CARMIL2: variants seen among roughly 807,000 people sequenced by gnomAD.
The protein encoded by CARMIL2 is capping protein, Arp2/3 and myosin-I linker protein 2.
Under a neutral mutation model 173.3 loss-of-function variants are expected in CARMIL2, and 96 were observed. The ratio of observed to expected loss-of-function variants is 0.55; its 90% confidence interval spans 0.47 to 0.66. The LOEUF is 0.66. Ranked by LOEUF, CARMIL2 falls within the 30% of genes least tolerant of loss-of-function variation. CARMIL2 has a pLI of 0.00. For missense variants in CARMIL2, 1,771 were observed against 1,906.7 expected, an observed-to-expected ratio of 0.93 and a Z score of 1.33; for synonymous variants, 830 against 817.1, an observed-to-expected ratio of 1.02 and a Z score of -0.27.
In CARMIL2 at chr16:67,651,059, T is replaced by C; in HGVS notation, c.2185-128T>C. On this transcript the variant is annotated intron_variant, in intron 22 of 37. Coordinates refer to ENST00000334583, the MANE Select transcript of CARMIL2 (RefSeq NM_001013838.3). This position sits in a 1 kb window ranked among gnomAD's most constrained non-coding sequence, Gnocchi z 4.2. ...CCTTCCCTCCTTGAACAGATAGGGT[T>C]CCAAAGTGGCTGGTCTAAGGGTGTC... 9.4e-7 allele frequency: 1 copy of C among 1,062,948 alleles called. No individual in the cohort carries two copies. The highest frequency in any genetic ancestry group is 1.3e-6 in the Non-Finnish European group (1 of 743,976). 65.8% of individuals were successfully genotyped at this position (1,062,948 alleles called of 1,614,324 possible).
chr16:67,657,000 AATC>A, intron 36 of CARMIL2, 119 bp downstream of exon 36: 4 of 873,186 alleles, frequency 4.6e-6, no homozygotes, highest in Non-Finnish European at 7.0e-6. Flanking sequence ...GGTCTCAAGA[AATC>A]AGGGAGCCAG....
rs1298540442 is a variant in CARMIL2 at position 67,645,216 on chromosome 16, G to A, written c.-31G>A. The A allele has an allele frequency of 3.2e-6, 5 of 1,555,426 alleles. No individual in the cohort carries two copies. The highest frequency in any genetic ancestry group is 3.8e-5 in the Admixed American group (2 of 53,026). ...TCGTCCTCTGCTGTTTCCCGCCGGA[G>A]CTCGTTGGGCCTCCCCGGCCCGCCC... On this transcript the variant is annotated 5_prime_UTR_variant, in exon 1 of 38. Transcript: ENST00000334583.
chr16:67,647,142 T>C lies in CARMIL2; in HGVS notation c.638T>C (p.Leu213Pro). The change falls in exon 9 of 38, where the codon CTG becomes CCG. Residue 213 changes from leucine to proline, a missense_variant. Physicochemically the swap from Leu to Pro is moderately conservative, Grantham distance 98. Around this residue, in one of 3 missense-constraint regions of CARMIL2, gnomAD observed 944 missense variants for 975.6 expected, o/e 0.97. Coordinates refer to ENST00000334583, the MANE Select transcript of CARMIL2 (RefSeq NM_001013838.3). Reference protein sequence around the residue: ...SRDLALSVAALSYNLWFRCLS... With the variant: ...SRDLALSVAAPSYNLWFRCLS... ...GACCTGGCCTTGAGTGTGGCTGCCC[T>C]GTCCTACAACCTGTGGTTCCGGTGC... is the stretch of plus-strand genomic sequence containing the variant. 6.2e-7 allele frequency: 1 copy of C among 1,613,746 alleles called. No homozygotes were observed. The highest frequency in any genetic ancestry group is 8.5e-7 in the Non-Finnish European group (1 of 1,179,830).
In CARMIL2 at chr16:67,647,761, C is replaced by G. The variant is rs547647271; in HGVS notation, c.953C>G (p.Pro318Arg). 1 of 1,542,672 alleles carries G rather than the reference C, an allele frequency of 6.5e-7. No individual in the cohort carries two copies. Among genetic ancestry groups the G allele is most frequent in the Non-Finnish European group, 8.7e-7 (1 of 1,147,910 alleles). The part of the protein sequence containing the change: ...RLSLAQTGLT[P>R]RGMRALGRAL... ...AGCCTGGCCCAGACAGGGTTGACAC[C>G]GCGAGGTAGGCTGGATGAGGGAGGG... is the stretch of plus-strand genomic sequence containing the variant. The change falls in exon 12 of 38, where the codon CCG (proline) becomes CGG (arginine). Residue 318 changes from proline (P) to arginine (R), a missense_variant. Physicochemically the swap from Pro to Arg is moderately radical, Grantham distance 103. Around this residue, in one of 3 missense-constraint regions of CARMIL2, gnomAD observed 944 missense variants for 975.6 expected, o/e 0.97. Transcript: ENST00000334583.
chr16:67,655,019 T>C, intron 32 of CARMIL2, 119 bp downstream of exon 32: 1 of 1,344,344 alleles, frequency 7.4e-7, no homozygotes, highest in Non-Finnish European at 1.0e-6. Flanking sequence ...TCTACTCCAT[T>C]CTCCTCGAAA....
In CARMIL2 at chr16:67,653,164, A is replaced by G; in HGVS notation, c.3030A>G (p.Pro1010=). The change falls in exon 29 of 38, where the codon CCA becomes CCG. Residue 1010 remains proline (P), a synonymous_variant. Transcript: ENST00000334583. This position sits in a 1 kb window ranked among gnomAD's most constrained non-coding sequence, Gnocchi z 7.4. ...GCCCGCTGCCCCGCATGGACCTGCC[A>G]CTGGCGGGGCAGCCCCTGCGCCATC... ...PAGPLPRMDL[P]LAGQPLRHPT... 6 of 1,109,142 alleles carry G rather than the reference A, an allele frequency of 5.4e-6. No individual in the cohort carries two copies. Among genetic ancestry groups the G allele is most frequent in the Non-Finnish European group, 6.6e-6 (6 of 909,416 alleles). 68.7% of individuals were successfully genotyped at this position (1,109,142 alleles called of 1,614,324 possible). A position where few individuals can be genotyped will look rare whatever the true frequency, so the allele number is the denominator to read the frequency against.
chr16:67,646,933 C>T lies in CARMIL2; in HGVS notation c.571C>T (p.Arg191Cys), dbSNP rs377185156. The change falls in exon 8 of 38, where the codon CGC becomes TGC. Residue 191 changes from arginine to cysteine, a missense_variant. This residue lies in a region of CARMIL2 where 944 missense variants were observed against 975.6 expected (regional missense o/e 0.97). Coordinates refer to ENST00000334583, the MANE Select transcript of CARMIL2 (RefSeq NM_001013838.3). This position sits in a 1 kb window ranked among gnomAD's most constrained non-coding sequence, Gnocchi z 4.6. ...VDTIYHRQGC[R>C]HFSLGDFSHL... Reference sequence around the variant, plus strand: ...CACCATTTACCATCGCCAGGGCTGCCGCCATTTCAGCCTGGGAGACTTCAG... The same window carrying T: ...CACCATTTACCATCGCCAGGGCTGCTGCCATTTCAGCCTGGGAGACTTCAG... 42 of 1,613,610 alleles carry T rather than the reference C, an allele frequency of 2.6e-5. No individual in the cohort carries two copies. The Admixed American group carries it at 2.7e-4, about 10-fold the overall frequency.
In CARMIL2 at chr16:67,646,061, T is replaced by C. The variant is rs778519452; in HGVS notation, c.230T>C (p.Leu77Pro). Residue 77 changes from leucine to proline, a missense_variant, in exon 4 of 38, where the codon CTG becomes CCG. By Grantham distance (98) the Leu-to-Pro change is moderately conservative (BLOSUM62 -3). Coordinates refer to ENST00000334583, the MANE Select transcript of CARMIL2 (RefSeq NM_001013838.3). This position sits in a 1 kb window ranked among gnomAD's most constrained non-coding sequence, Gnocchi z 4.6. Reference sequence around the variant, plus strand: ...TACCTGGAGGTCCAGGCCATGGCGCTGCAGGAGACACCCCCTCAGGTGAGA... The same window carrying C: ...TACCTGGAGGTCCAGGCCATGGCGCCGCAGGAGACACCCCCTCAGGTGAGA... The part of the protein sequence containing the change: ...FSYLEVQAMA[L>P]QETPPQVTFE... 3.7e-6 allele frequency: 6 copies of C among 1,613,764 alleles called. No individual in the cohort carries two copies. Among genetic ancestry groups the C allele is most frequent in the Non-Finnish European group, 5.1e-6 (6 of 1,179,888 alleles).
intron 30 of CARMIL2, 26 bp from the exon 31 acceptor site, chr16:67,654,306 T>A (rs1160956525): frequency 3.2e-6 from 5 of 1,582,236 alleles, no homozygotes; most frequent in Non-Finnish European, 8.6e-7. Context: ...ATGGGCTTTC[T>A]CGCTCACTGC....
rs773403504 is a variant in CARMIL2 at position 67,647,889 on chromosome 16, C to T, written c.1002C>T (p.Phe334=). ...GGGCACTGGCCACCAATGCCGCCTT[C>T]GACTCCACCCTGACCCACCTGGACC... is the stretch of plus-strand genomic sequence containing the variant. The part of the protein sequence containing the change: ...LGRALATNAA[F]DSTLTHLDLS... The change falls in exon 13 of 38, where the codon TTC becomes TTT. Residue 334 remains phenylalanine (F), a synonymous_variant. Transcript: ENST00000334583. 4.0e-5 allele frequency: 65 copies of T among 1,611,278 alleles called. 1 individual carries two copies. Among genetic ancestry groups the T allele is most frequent in the South Asian group, 2.2e-4 (20 of 90,728 alleles).
chr16:67,654,127 C>G, intron 29 of CARMIL2, 22 bp from the exon 30 acceptor site: 1 of 1,497,614 alleles, frequency 6.7e-7, no homozygotes. Context: ...ACCCTGACCC[C>G]TGACCCCATG....
rs2052853409 is a variant in CARMIL2, at chr16:67,656,288, CTG to C, written c.3807_3808del (p.Ser1270CysfsTer2). 1 of 1,614,012 alleles carries C rather than the reference CTG, an allele frequency of 6.2e-7. No individual in the cohort carries two copies. Reference sequence around the variant, plus strand: ...ATCTCGATCAAGTCCCGCACCCACTCTGTGTCTGCTGGTGAGTGAGGGCCACT... The same window carrying C: ...ATCTCGATCAAGTCCCGCACCCACTCTGTCTGCTGGTGAGTGAGGGCCACT... On this transcript the variant is annotated frameshift_variant, in exon 34 of 38. Transcript: ENST00000334583. LOFTEE classifies it high-confidence loss of function.
rs1410895178 is a variant in CARMIL2 at position 67,645,630 on chromosome 16, T to C, written c.131T>C (p.Leu44Pro). ...PGEGAVQNHV[L>P]ALLRWRAYLL... ...GAGGGTGCTGTGCAAAACCATGTCC[T>C]GGTATGGGGCAGGGGACAGAGCCGG... Residue 44 changes from leucine to proline, a missense_variant and splice_region_variant, in exon 2 of 38, where the codon CTG becomes CCG. By Grantham distance (98) the Leu-to-Pro change is moderately conservative. This residue lies in a region of CARMIL2 where 944 missense variants were observed against 975.6 expected (regional missense o/e 0.97). Transcript: ENST00000334583. 6.2e-7 allele frequency: 1 copy of C among 1,613,492 alleles called. No homozygotes were observed. The highest frequency in any genetic ancestry group is 8.5e-7 in the Non-Finnish European group (1 of 1,179,772).
In CARMIL2 at chr16:67,646,124, A is replaced by G. The variant is rs1319354998; in HGVS notation, c.249+44A>G. On this transcript the variant is annotated intron_variant, in intron 4 of 37. Coordinates refer to ENST00000334583, the MANE Select transcript of CARMIL2 (RefSeq NM_001013838.3). The surrounding 1 kb of genome is among the most constrained non-coding windows in gnomAD (Gnocchi z 4.6). ...TACCTGGGCCTGCAGCCTGGTCTTC[A>G]TGCTACCACCATCACCTGCGCCCAT... The G allele has an allele frequency of 6.2e-7, 1 of 1,613,658 alleles. No homozygotes were observed. The highest frequency in any genetic ancestry group is 1.3e-5 in the African/African-American group (1 of 74,906).
In CARMIL2 at chr16:67,653,089, G is replaced by C. The variant is rs2052760621; in HGVS notation, c.2955G>C (p.Gly985=). Residue 985 remains glycine (G), a synonymous_variant, in exon 29 of 38, where the codon GGG becomes GGC. Coordinates refer to ENST00000334583, the MANE Select transcript of CARMIL2 (RefSeq NM_001013838.3). This position sits in a 1 kb window ranked among gnomAD's most constrained non-coding sequence, Gnocchi z 7.4. ...APGEDAEPQA[G]PSARGSPSPA... ...GAGAAGATGCAGAGCCGCAGGCGGG[G>C]CCGTCCGCGCGCGGCTCTCCGAGCC... 4.1e-6 allele frequency: 5 copies of C among 1,222,992 alleles called. No individual in the cohort carries two copies. Among genetic ancestry groups the C allele is most frequent in the Non-Finnish European group, 5.1e-6 (5 of 973,170 alleles). The allele number at this position is 1,222,992 out of a possible 1,614,324, so 75.8% of individuals were successfully genotyped here.
At position 67,646,301 on chromosome 16, in the gene CARMIL2, C is replaced by G. The variant is rs752128218; in HGVS notation, c.365C>G (p.Ser122Trp). ...AAAIKKVFPR[S>W]TLGKLFRRPT... ...GCCATCAAGAAGGTCTTCCCTCGCTCGACCCTTGGGTGAGGCCTGGCAAAT... is the reference window on the plus strand; with the variant it reads ...GCCATCAAGAAGGTCTTCCCTCGCTGGACCCTTGGGTGAGGCCTGGCAAAT... The change falls in exon 5 of 38, where the codon TCG becomes TGG. Residue 122 changes from serine to tryptophan, a missense_variant. Transcript: ENST00000334583. This position sits in a 1 kb window ranked among gnomAD's most constrained non-coding sequence, Gnocchi z 4.6. 1.2e-6 allele frequency: 2 copies of G among 1,613,320 alleles called. No individual in the cohort carries two copies. The highest frequency in any genetic ancestry group is 1.7e-6 in the Non-Finnish European group (2 of 1,179,682).
In CARMIL2 at chr16:67,645,669, G is replaced by T. The variant is rs886245472; in HGVS notation, c.132+38G>T. 2.5e-6 allele frequency: 4 copies of T among 1,612,728 alleles called. No homozygotes were observed. The East Asian group carries it at 8.9e-5, about 36-fold the overall frequency. ...GGACAGAGCCGGGGAGGCGGCTGTGGCCCCACAGAAAGAGCCTCTTGCTCT... is the reference window on the plus strand; with the variant it reads ...GGACAGAGCCGGGGAGGCGGCTGTGTCCCCACAGAAAGAGCCTCTTGCTCT... On this transcript the variant is annotated intron_variant, in intron 2 of 37. Coordinates refer to ENST00000334583, the MANE Select transcript of CARMIL2 (RefSeq NM_001013838.3).
chr16:67,656,388 C>G lies in CARMIL2; in HGVS notation c.3815-36C>G, dbSNP rs1420030785. Reference sequence around the variant, plus strand: ...TGTTGTTCAGACCTATCGCCAATGCCTGACCAGGTCTTGGCTGACACCTTT... The same window carrying G: ...TGTTGTTCAGACCTATCGCCAATGCGTGACCAGGTCTTGGCTGACACCTTT... On this transcript the variant is annotated intron_variant, in intron 34 of 37. Coordinates refer to ENST00000334583, the MANE Select transcript of CARMIL2 (RefSeq NM_001013838.3). 3.1e-6 allele frequency: 5 copies of G among 1,609,516 alleles called. No individual in the cohort carries two copies. The African/African-American group carries it at 6.7e-5, about 22-fold the overall frequency.
Position 67,647,617 on chromosome 16 carries a change from G to A in CARMIL2, c.871+15G>A, listed in dbSNP as rs1473977500. ...GGATGACCGAGGTATGACTGAGCCT[G>A]GGGACCGCAGGGGTGGGCAGCAGGA... On this transcript the variant is annotated intron_variant, in intron 11 of 37. Transcript: ENST00000334583. The A allele has an allele frequency of 1.2e-6, 2 of 1,605,182 alleles. No individual in the cohort carries two copies. The highest frequency in any genetic ancestry group is 2.2e-5 in the South Asian group (2 of 89,308).
Sources: allele counts gnomAD v4.1 joint callset, GRCh38; gene constraint gnomAD v4.1.1; regional missense constraint gnomAD v4.1.1; non-coding constraint Gnocchi (gnomAD v3.1); transcripts MANE v1.5; gene names NCBI Gene and HGNC (gene_info 2026-07-23, HGNC 2026-07-21).